CUX1: variants seen among roughly 807,000 people sequenced by gnomAD.
The protein encoded by CUX1 is protein CASP.
A neutral mutation model predicts 158.8 loss-of-function variants in CUX1; 31 were observed. The observed-to-expected ratio is 0.20, with a 90% CI of 0.15 to 0.26. CUX1 has a LOEUF of 0.26. Among genes scored for constraint, CUX1 ranks in the 10% least tolerant of loss-of-function variants. CUX1 has a pLI of 1.00. For missense variants in CUX1, 1,589 were observed against 2,014.6 expected, an observed-to-expected ratio of 0.79 and a Z score of 4.04; for synonymous variants, 879 against 862.1, an observed-to-expected ratio of 1.02 and a Z score of -0.34.
rs1178335479 is a variant in CUX1, at chr7:102,191,863, G to GCTCCAGC, written c.1077-1976_1077-1970dup. Among the ~76,000 whole-genome samples, 419 of 151,314 alleles carry GCTCCAGC rather than the reference G, an allele frequency of 2.8e-3. 1 individual carries two copies. The highest frequency in any genetic ancestry group is 9.9e-3 in the African/African-American group (408 of 41,166). ...ATCCCCTGGGAGCTGAGGCTTCCAG[G>GCTCCAGC]CTCCAGCCTGCAACACATACCGTTC... On this transcript the variant is annotated intron_variant, in intron 12 of 23. Transcript: ENST00000292535.
intron 20 of CUX1, among the ~76,000 whole-genome samples, chr7:102,215,816 C>T (rs1455347546): frequency 6.6e-6 from 1 of 152,136 alleles, no homozygotes; most frequent in Admixed American, 6.6e-5. Context: ...AGGAATATCC[C>T]ATTGCAGCCC....
intron 2 of CUX1, among the ~76,000 whole-genome samples, chr7:101,976,891 C>A (rs1026154990): frequency 1.6e-4 from 19 of 119,596 alleles, no homozygotes; most frequent in Admixed American, 1.6e-4. Context: ...ATAGTCTTTT[C>A]CCTTTCTGAT....
chr7:102,164,169 A>G lies in CUX1; in HGVS notation c.723+5561A>G, dbSNP rs182377852. ...CAATTCACAGCCTTTTTGTGGTGAA[A>G]AAAAGTGGCCCGCCCACCACCCCTC... On this transcript the variant is annotated intron_variant, in intron 9 of 23. Transcript: ENST00000292535. Among the ~76,000 whole-genome samples the G allele has an allele frequency of 4.6e-5, 7 of 152,304 alleles. No homozygotes were observed. In the East Asian group the frequency reaches 1.4e-3, roughly 29 times the overall value.
At chr7:102,123,237 A>T (rs1563274437) in intron 8 of CUX1, among the ~76,000 whole-genome samples, 2 of 143,672 alleles carry the variant, frequency 1.4e-5, no homozygotes, top group South Asian at 4.4e-4. Context: ...TCTCAAAAAT[A>T]AAAAAAAAAG....
chr7:101,948,953 T>C (rs1808717479), intron 2 of CUX1, among the ~76,000 whole-genome samples: 1 of 152,172 alleles, frequency 6.6e-6, no homozygotes, highest in African/African-American at 2.4e-5. Flanking sequence ...TGCAACAAGA[T>C]AAGCACAGAA....
At chr7:101,816,890 C>T (rs1445837475), upstream of CUX1, 1 of 979,790 alleles carries the variant, frequency 1.0e-6, no homozygotes, top group Admixed American at 6.3e-5. Flanking sequence ...CGCCGCCGCT[C>T]CGGCACCCCG....
chr7:102,136,438 C>T (rs1216559376), intron 8 of CUX1, among the ~76,000 whole-genome samples: 1 of 151,714 alleles, frequency 6.6e-6, no homozygotes, highest in African/African-American at 2.4e-5. Context: ...CTCACCCATG[C>T]TGGAGTGCAG....
rs183051343 is a variant in CUX1 at position 102,041,777 on chromosome 7, C to G, written c.189+13632C>G. On this transcript the variant is annotated intron_variant, in intron 3 of 23. Coordinates refer to ENST00000292535, the MANE Select transcript of CUX1 (RefSeq NM_181552.4). Reference sequence around the variant, plus strand: ...CCACCTCCCGGGTTCAAGCGATTCTCCTGCCTCAGCCTCCCAAGTAGCTGG... The same window carrying G: ...CCACCTCCCGGGTTCAAGCGATTCTGCTGCCTCAGCCTCCCAAGTAGCTGG... Among the ~76,000 whole-genome samples the G allele has an allele frequency of 1.8e-3, 276 of 150,068 alleles. 1 individual carries two copies. The highest frequency in any genetic ancestry group is 6.7e-3 in the African/African-American group (271 of 40,600).
intron 1 of CUX1, among the ~76,000 whole-genome samples, chr7:101,825,281 G>C (rs1351367735): frequency 6.6e-6 from 1 of 152,222 alleles, no homozygotes; most frequent in Non-Finnish European, 1.5e-5. Context: ...GTTTAAACCA[G>C]CATAGAAACA....
At chr7:102,156,490 A>G (rs915203052) in intron 8 of CUX1, among the ~76,000 whole-genome samples, 3 of 152,006 alleles carry the variant, frequency 2.0e-5, no homozygotes, top group Non-Finnish European at 4.4e-5. Flanking sequence ...CAGAGCAAGA[A>G]CTCATTCACT....
chr7:102,005,508 T>A (rs541815447), intron 2 of CUX1, among the ~76,000 whole-genome samples: 3 of 152,214 alleles, frequency 2.0e-5, no homozygotes, highest in African/African-American at 7.2e-5. Flanking sequence ...GTTAATTTTT[T>A]TATTTTTGCA....
chr7:101,946,177 C>T (rs780675275), intron 2 of CUX1, among the ~76,000 whole-genome samples: 76 of 152,206 alleles, frequency 5.0e-4, no homozygotes, highest in Non-Finnish European at 9.3e-4. Context: ...GTGGGTCAGA[C>T]GGCAGCTTTC....
At chr7:102,111,952 C>G (rs1830937332) in intron 7 of CUX1, 178 bp downstream of exon 7, 1 of 583,484 alleles carries the variant, frequency 1.7e-6, no homozygotes, top group Admixed American at 3.0e-5. Context: ...CGCCTCATTC[C>G]TCACTGACTT....
At chr7:102,242,781 G>C (rs1413217271) in intron 23 of CUX1, among the ~76,000 whole-genome samples, 8 of 152,148 alleles carry the variant, frequency 5.3e-5, no homozygotes, top group African/African-American at 1.9e-4. Context: ...CACACCCTCG[G>C]GTTTCTCAGT....
At chr7:101,966,793 C>T (rs1172127539) in intron 2 of CUX1, among the ~76,000 whole-genome samples, 1 of 152,126 alleles carries the variant, frequency 6.6e-6, no homozygotes, top group Non-Finnish European at 1.5e-5. Context: ...ACACGTGGGA[C>T]TTCCCTTCTG....
chr7:102,162,935 A>G (rs111490590), intron 9 of CUX1, among the ~76,000 whole-genome samples: 9,792 of 152,176 alleles, frequency 0.064, 435 homozygotes, highest in African/African-American at 0.11. Context: ...CAGCCCTCCC[A>G]GAGAGCATGA....
intron 3 of CUX1, among the ~76,000 whole-genome samples, chr7:102,030,586 A>G (rs1423721026): frequency 6.6e-6 from 1 of 151,770 alleles, no homozygotes; most frequent in African/African-American, 2.4e-5. Flanking sequence ...TTTTCCAATT[A>G]TCCCCAAGAT....
intron 8 of CUX1, among the ~76,000 whole-genome samples, chr7:102,135,244 T>C (rs536458159): frequency 6.6e-6 from 1 of 152,294 alleles, no homozygotes; most frequent in African/African-American, 2.4e-5. Flanking sequence ...TTTTGTAAGT[T>C]ACATATGTTA....
At chr7:102,149,685 T>C (rs1835427288) in intron 8 of CUX1, among the ~76,000 whole-genome samples, 1 of 152,202 alleles carries the variant, frequency 6.6e-6, no homozygotes, top group South Asian at 2.1e-4. Flanking sequence ...CGCATGAGAC[T>C]GCAGACCAGC....
Sources: allele counts gnomAD v4.1 joint callset (sites outside exome capture counted in the v4.1 genomes callset), GRCh38; gene constraint gnomAD v4.1.1; transcripts MANE v1.5; gene names NCBI Gene and HGNC (gene_info 2026-07-23, HGNC 2026-07-21).